The following NFIB variants were observed in gnomAD, a reference collection of about 807,000 sequenced individuals.
NFIB encodes nuclear factor I B.
NFIB carries 11 observed loss-of-function variants against 61.5 expected under a neutral mutation model. The ratio of observed to expected loss-of-function variants is 0.18; its 90% CI spans 0.11 to 0.30. The LOEUF (loss-of-function observed/expected upper bound fraction) is 0.30. Ranked by LOEUF, NFIB falls within the 10% of genes least tolerant of loss-of-function variation. The pLI is 1.00. For missense variants in NFIB, 471 were observed against 608.9 expected, an observed-to-expected ratio of 0.77 and a Z score of 2.38; for synonymous variants, 260 against 216.5, an observed-to-expected ratio of 1.20 and a Z score of -1.76.
At chr9:14,501,490 AC>A in the NFIB span, among the ~76,000 whole-genome samples, 2 of 152,184 alleles carry the variant, frequency 1.3e-5, 1 homozygote, top group South Asian at 4.1e-4. Flanking sequence ...TTGCTGTATT[AC>A]CTTAGCTTTT....
At chr9:14,151,707 A>T (rs1002074255) in intron 4 of NFIB, among the ~76,000 whole-genome samples, 83 of 152,234 alleles carry the variant, frequency 5.5e-4, no homozygotes, top group African/African-American at 2.0e-3. Context: ...GGTAGAGATA[A>T]TGTGCAAAGT....
chr9:14,160,759 A>T (rs1268388614), intron 3 of NFIB, among the ~76,000 whole-genome samples: 1 of 150,778 alleles, frequency 6.6e-6, no homozygotes, highest in Non-Finnish European at 1.5e-5. Flanking sequence ...CTTTCATCTT[A>T]CAGAGATAGT....
the NFIB span, among the ~76,000 whole-genome samples, chr9:14,491,211 A>T: frequency 2.0e-5 from 3 of 152,150 alleles, no homozygotes; most frequent in Non-Finnish European, 2.9e-5. Context: ...GTGCATGTAA[A>T]GCTCTGAGAA....
the NFIB span, among the ~76,000 whole-genome samples, chr9:14,450,224 G>A: frequency 2.0e-5 from 3 of 151,956 alleles, no homozygotes; most frequent in Admixed American, 6.6e-5. Context: ...GCGGTGTTTG[G>A]TTTTCTGTCC....
At chr9:14,164,142 A>T (rs1433744874) in intron 3 of NFIB, among the ~76,000 whole-genome samples, 1 of 152,032 alleles carries the variant, frequency 6.6e-6, no homozygotes, top group African/African-American at 2.4e-5. Context: ...AAAATAAATA[A>T]AACAAATGAC....
chr9:14,334,760 C>T (rs1295383307), intron 1 of NFIB, among the ~76,000 whole-genome samples: 1 of 152,190 alleles, frequency 6.6e-6, no homozygotes, highest in South Asian at 2.1e-4. Context: ...TCCATATACA[C>T]CCATGAAACC....
chr9:14,206,233 G>A (rs960935202), intron 2 of NFIB, among the ~76,000 whole-genome samples: 1 of 150,690 alleles, frequency 6.6e-6, no homozygotes, highest in African/African-American at 2.4e-5. Flanking sequence ...CAGGTGCAGT[G>A]GTATGATCTC....
chr9:14,280,742 T>C (rs1400889417), intron 2 of NFIB, among the ~76,000 whole-genome samples: 1 of 152,114 alleles, frequency 6.6e-6, no homozygotes. Context: ...GATGCACCTA[T>C]TTTGTAAATA....
the NFIB span, among the ~76,000 whole-genome samples, chr9:14,440,035 G>A: frequency 6.6e-6 from 1 of 152,208 alleles, no homozygotes; most frequent in Non-Finnish European, 1.5e-5. Context: ...GCCCTCCTCT[G>A]TAGAACGATC....
chr9:14,117,148 T>G (rs534471283), intron 8 of NFIB, among the ~76,000 whole-genome samples: 9 of 152,298 alleles, frequency 5.9e-5, no homozygotes, highest in African/African-American at 2.2e-4. Context: ...AAATGAGCAT[T>G]GTTATTTGAG....
At chr9:14,364,902 G>A (rs1245546686) in intron 1 of NFIB, among the ~76,000 whole-genome samples, 3 of 152,198 alleles carry the variant, frequency 2.0e-5, no homozygotes, top group Non-Finnish European at 4.4e-5. Context: ...GAACAAGACA[G>A]CAGGGTGATT....
chr9:14,484,529 T>C, the NFIB span, among the ~76,000 whole-genome samples: 1 of 152,154 alleles, frequency 6.6e-6, no homozygotes, highest in Non-Finnish European at 1.5e-5. Context: ...AGAAACAAAA[T>C]TAAGAATTTA....
At position 14,155,971 on chromosome 9, in the gene NFIB, G is replaced by GT. The variant is rs2043352694; in HGVS notation, c.617-79dup. 3 of 864,904 alleles carry GT rather than the reference G, an allele frequency of 3.5e-6. No homozygotes were observed. In the South Asian group the frequency reaches 6.1e-5, roughly 18 times the overall value. 53.6% of individuals were successfully genotyped at this position (864,904 alleles called of 1,614,324 possible). A position where few individuals can be genotyped will look rare whatever the true frequency, so the allele number is the denominator to read the frequency against. On this transcript the variant is annotated intron_variant, in intron 3 of 10. Coordinates refer to ENST00000380953, the MANE Select transcript of NFIB (RefSeq NM_001190737.2). The stretch of plus-strand genomic sequence containing the variant: ...AATGATTATACACTAGAATTTAAGT[G>GT]TTTTAAAGCCAATGGTTTGAACAAA...
At chr9:14,486,377 C>T in the NFIB span, among the ~76,000 whole-genome samples, 1 of 152,088 alleles carries the variant, frequency 6.6e-6, no homozygotes, top group Non-Finnish European at 1.5e-5. Flanking sequence ...GGAGAAAGCC[C>T]AGGAGGATTC....
intron 1 of NFIB, among the ~76,000 whole-genome samples, chr9:14,308,520 T>C (rs1272182027): frequency 6.6e-6 from 1 of 152,228 alleles, no homozygotes; most frequent in Non-Finnish European, 1.5e-5. Context: ...CTAAACCTCT[T>C]AAAAATCAAT....
chr9:14,408,223 C>T, the NFIB span, among the ~76,000 whole-genome samples: 1 of 152,148 alleles, frequency 6.6e-6, no homozygotes, highest in African/African-American at 2.4e-5. Flanking sequence ...GGATCTGGAA[C>T]TGGAAGATCA....
At chr9:14,130,723 G>T (rs777751357) in intron 6 of NFIB, among the ~76,000 whole-genome samples, 57 of 152,028 alleles carry the variant, frequency 3.7e-4, no homozygotes, top group Non-Finnish European at 7.4e-4. Context: ...GGTAAAGCAG[G>T]CACCGTGTCT....
At chr9:14,283,016 G>C (rs1415629336) in intron 2 of NFIB, among the ~76,000 whole-genome samples, 1 of 152,128 alleles carries the variant, frequency 6.6e-6, no homozygotes, top group Non-Finnish European at 1.5e-5. Context: ...ATAAATATTA[G>C]ATGTTGCGGC....
intron 1 of NFIB, among the ~76,000 whole-genome samples, chr9:14,350,668 G>C (rs1001033970): frequency 6.6e-6 from 1 of 152,068 alleles, no homozygotes; most frequent in African/African-American, 2.4e-5. Context: ...AGATGATTCA[G>C]AGATACAAAA....
Sources: gnomAD v4.1 joint callset for allele counts (sites outside exome capture counted in the v4.1 genomes callset) on GRCh38, gnomAD v4.1.1 for gene constraint, MANE v1.5 for transcripts, NCBI Gene and HGNC (gene_info 2026-07-23, HGNC 2026-07-21) for gene names.